The following JMJD1C variants were observed in gnomAD, a reference collection of about 807,000 sequenced individuals.
The protein encoded by JMJD1C is jumonji domain-containing protein 1C.
JMJD1C carries 31 observed loss-of-function variants against 245.3 expected under a neutral mutation model. The observed-to-expected ratio is 0.13, with a 90% confidence interval of 0.09 to 0.17. JMJD1C has a LOEUF of 0.17. Ranked by LOEUF, JMJD1C falls within the 10% of genes least tolerant of loss-of-function variation. JMJD1C has a pLI of 1.00. For synonymous variants in JMJD1C, 1,057 were observed against 1,017.4 expected, an observed-to-expected ratio of 1.04 and a Z score of -0.74; for missense variants, 2,691 against 3,000.2, an observed-to-expected ratio of 0.90 and a Z score of 2.41.
At position 63,214,253 on chromosome 10, in the gene JMJD1C, G is replaced by A. The variant is rs767197877; in HGVS notation, c.1914C>T (p.Ser638=). 1.9e-6 allele frequency: 3 copies of A among 1,613,838 alleles called. No homozygotes were observed. Among genetic ancestry groups the A allele is most frequent in the Non-Finnish European group, 2.5e-6 (3 of 1,179,974 alleles). Residue 638 remains serine, a synonymous_variant, in exon 8 of 26, where the codon TCC becomes TCT. Coordinates refer to ENST00000399262, the MANE Select transcript of JMJD1C (RefSeq NM_032776.3). ...GTTTAACAACTTCAGGTGATGGGCTGGATTTTATCTTGTGAGTATCTACTG... is the reference window on the plus strand; with the variant it reads ...GTTTAACAACTTCAGGTGATGGGCTAGATTTTATCTTGTGAGTATCTACTG... ...NTSVDTHKIK[S]SPSPEVVKPK...
chr10:63,268,103 TAAC>T (rs759295702), intron 2 of JMJD1C, among the ~76,000 whole-genome samples: 16 of 112,182 alleles, frequency 1.4e-4, no homozygotes, highest in Admixed American at 2.7e-4. Context: ...GGTTAACAGT[TAAC>T]AATTCCAAGT....
rs758188654 is a variant in JMJD1C at position 63,230,171 on chromosome 10, G to A, written c.448-10188C>T. ...GCAGATCACCTGAGATCAGGAGTTC[G>A]AGACCAGCCTGGCCAACATGGTGAA... On this transcript the variant is annotated intron_variant, in intron 3 of 25. Coordinates refer to ENST00000399262, the MANE Select transcript of JMJD1C (RefSeq NM_032776.3). Among the ~76,000 whole-genome samples, 5 of 152,136 alleles carry A rather than the reference G, an allele frequency of 3.3e-5. No homozygotes were observed. In the South Asian group the frequency reaches 6.2e-4, roughly 19 times the overall value.
At chr10:63,260,326 C>T (rs564540069) in intron 3 of JMJD1C, among the ~76,000 whole-genome samples, 13 of 152,296 alleles carry the variant, frequency 8.5e-5, no homozygotes, top group African/African-American at 2.4e-4. Flanking sequence ...GTACAACTTT[C>T]AGGTAAGAAA....
At chr10:63,200,139 A>T (rs1168357726) in intron 11 of JMJD1C, among the ~76,000 whole-genome samples, 1 of 152,156 alleles carries the variant, frequency 6.6e-6, no homozygotes, top group Non-Finnish European at 1.5e-5. Flanking sequence ...TCTACCTTTA[A>T]GTTTTTAATT....
intron 3 of JMJD1C, among the ~76,000 whole-genome samples, chr10:63,240,020 A>G (rs144726492): frequency 6.6e-6 from 1 of 152,342 alleles, no homozygotes; most frequent in Non-Finnish European, 1.5e-5. Flanking sequence ...ATCACACTAT[A>G]TAAGTTACTT....
intron 2 of JMJD1C, among the ~76,000 whole-genome samples, chr10:63,298,474 T>A (rs534426579): frequency 6.6e-6 from 1 of 152,206 alleles, no homozygotes; most frequent in Non-Finnish European, 1.5e-5. Flanking sequence ...CCTGCCAATG[T>A]TGACACATGG....
intron 1 of JMJD1C, among the ~76,000 whole-genome samples, chr10:63,521,174 A>G (rs1160193184): frequency 6.6e-6 from 1 of 152,100 alleles, no homozygotes; most frequent in Non-Finnish European, 1.5e-5. Flanking sequence ...GCAGGGGCCA[A>G]GGCCGCGGCA....
intron 1 of JMJD1C, among the ~76,000 whole-genome samples, chr10:63,478,834 T>G (rs1310314301): frequency 6.6e-6 from 1 of 152,128 alleles, no homozygotes; most frequent in Non-Finnish European, 1.5e-5. Context: ...AACCACATGG[T>G]GCATACCTAC....
chr10:63,404,144 A>G (rs145421665), intron 1 of JMJD1C, among the ~76,000 whole-genome samples: 42 of 152,274 alleles, frequency 2.8e-4, no homozygotes, highest in Non-Finnish European at 5.7e-4. Context: ...TGTACTTCAT[A>G]AAGACTAGAG....
chr10:63,371,956 A>C (rs1946356396), intron 2 of JMJD1C, among the ~76,000 whole-genome samples: 1 of 152,166 alleles, frequency 6.6e-6, no homozygotes, highest in Non-Finnish European at 1.5e-5. Flanking sequence ...ATATGTAAAA[A>C]CTCTTTAAAT....
At chr10:63,463,108 TA>T (rs887211056) in intron 1 of JMJD1C, among the ~76,000 whole-genome samples, 13 of 150,198 alleles carry the variant, frequency 8.7e-5, no homozygotes, top group Middle Eastern at 3.4e-3. Flanking sequence ...TTTGTAGCTT[TA>T]AAAAAAAAAT....
intron 1 of JMJD1C, among the ~76,000 whole-genome samples, chr10:63,484,620 A>T (rs571647109): frequency 2.6e-4 from 40 of 152,042 alleles, no homozygotes; most frequent in Admixed American, 5.9e-4. Context: ...AAGCAGTGAC[A>T]ACCCTACTTT....
intron 1 of JMJD1C, among the ~76,000 whole-genome samples, chr10:63,453,176 G>A (rs1268539014): frequency 6.6e-6 from 1 of 152,176 alleles, no homozygotes; most frequent in Non-Finnish European, 1.5e-5. Context: ...TCGGGAGGCT[G>A]AGGCATGAGA....
At chr10:63,388,100 G>C (rs1947773238) in intron 1 of JMJD1C, among the ~76,000 whole-genome samples, 1 of 152,010 alleles carries the variant, frequency 6.6e-6, no homozygotes, top group African/African-American at 2.4e-5. Context: ...AACTTCGCAA[G>C]GCTGGCAAAA....
intron 2 of JMJD1C, among the ~76,000 whole-genome samples, chr10:63,361,381 C>A (rs1945309966): frequency 6.6e-6 from 1 of 152,080 alleles, no homozygotes. Flanking sequence ...TGAGATTGCG[C>A]CATTGCACTC....
chr10:63,185,247 C>T (rs1843990912), intron 20 of JMJD1C, among the ~76,000 whole-genome samples: 1 of 152,228 alleles, frequency 6.6e-6, no homozygotes, highest in Non-Finnish European at 1.5e-5. Context: ...CCTCTCACCT[C>T]AGCCACGCAA....
rs1285499198 is a variant in JMJD1C, at chr10:63,296,003, G to GTGTATA, written c.334-31240_334-31239insTATACA. On this transcript the variant is annotated intron_variant, in intron 2 of 25. Transcript: ENST00000399262. ...TGTGTGTGTGTGTGTGTGTGTGTGT[G>GTGTATA]TATATATATATTTTTTTTTTTTTCT... 8.5e-4 allele frequency among the ~76,000 whole-genome samples: 81 copies of GTGTATA among 95,716 alleles called. 3 individuals carry two copies. Among genetic ancestry groups the GTGTATA allele is most frequent in the African/African-American group, 2.9e-3 (75 of 25,834 alleles). 62.8% of individuals were successfully genotyped at this position (95,716 alleles called of 152,430 possible).
chr10:63,423,867 C>G (rs1355141137), intron 1 of JMJD1C, among the ~76,000 whole-genome samples: 1 of 152,176 alleles, frequency 6.6e-6, no homozygotes, highest in African/African-American at 2.4e-5. Flanking sequence ...TTGAATCTCA[C>G]AGTGGTTTTG....
At chr10:63,341,773 C>G (rs1387826435) in intron 2 of JMJD1C, among the ~76,000 whole-genome samples, 1 of 152,124 alleles carries the variant, frequency 6.6e-6, no homozygotes, top group Non-Finnish European at 1.5e-5. Context: ...GCCATGCGAC[C>G]AGGGTATCTT....
Sources: gnomAD v4.1 joint callset for allele counts (sites outside exome capture counted in the v4.1 genomes callset) on GRCh38, gnomAD v4.1.1 for gene constraint, MANE v1.5 for transcripts, NCBI Gene and HGNC (gene_info 2026-07-23, HGNC 2026-07-21) for gene names.